Variants in LRRC39 observed in about 807,000 individuals in gnomAD.
The protein encoded by LRRC39 is leucine-rich repeat-containing protein 39.
A neutral mutation model predicts 39.7 loss-of-function variants in LRRC39; 35 were observed. The ratio of observed to expected loss-of-function variants is 0.88; its 90% CI spans 0.67 to 1.17. The LOEUF is 1.17. LRRC39 is among the 50% of genes most tolerant of loss of function. The pLI is 0.00. For synonymous variants in LRRC39, 113 were observed against 134.1 expected (o/e 0.84, Z 1.09); for missense variants, 357 against 385.8 (o/e 0.93, Z 0.62).
At chr1:100,179,518 A>AAAAAAAAAAAAAAAAAAAAC (rs1660160107), upstream of LRRC39, among the ~76,000 whole-genome samples, 1 of 149,276 alleles carries the variant, frequency 6.7e-6, no homozygotes. Flanking sequence ...AAAAAAAAAA[A>AAAAAAAAAAAAAAAAAAAAC]AAAAATTAAA....
At chr1:100,174,845 A>G (rs1318754490) in intron 1 of LRRC39, among the ~76,000 whole-genome samples, 1 of 152,218 alleles carries the variant, frequency 6.6e-6, no homozygotes. Context: ...GTTCCCACCA[A>G]ATCTCATGTT....
rs998653216 is a variant in LRRC39 at position 100,164,091 on chromosome 1, T to G, written c.114-3520A>C. On this transcript the variant is annotated intron_variant, in intron 3 of 9. Coordinates refer to ENST00000370137, the MANE Select transcript of LRRC39 (RefSeq NM_144620.4). ...CTGTCTCTAAAAAAACAAAATAAAA[T>G]TTGATTCTACAAATTTTATTGTAGA... 2.0e-5 allele frequency among the ~76,000 whole-genome samples: 3 copies of G among 151,986 alleles called. No individual in the cohort carries two copies. In the East Asian group the frequency reaches 5.8e-4, roughly 29 times the overall value.
At chr1:100,155,409 T>C (rs1026897855) in intron 7 of LRRC39, among the ~76,000 whole-genome samples, 1 of 152,194 alleles carries the variant, frequency 6.6e-6, no homozygotes, top group African/African-American at 2.4e-5. Flanking sequence ...TTGGTTCTTA[T>C]GTTAAAAATC....
chr1:100,171,967 A>T (rs1205920868), intron 2 of LRRC39, among the ~76,000 whole-genome samples: 1 of 152,214 alleles, frequency 6.6e-6, no homozygotes, highest in African/African-American at 2.4e-5. Context: ...TTTAGAAGAA[A>T]TGAGGCTAAA....
upstream of LRRC39, among the ~76,000 whole-genome samples, chr1:100,178,949 T>A (rs1046472447): frequency 6.6e-5 from 10 of 152,260 alleles, no homozygotes; most frequent in South Asian, 1.0e-3. Context: ...ATTTACGAGC[T>A]TAAATATGCC....
At chr1:100,174,351 G>A (rs1054723813) in intron 1 of LRRC39, among the ~76,000 whole-genome samples, 1 of 151,674 alleles carries the variant, frequency 6.6e-6, no homozygotes, top group African/African-American at 2.4e-5. Context: ...AGGCTGGAGA[G>A]CAGTGGCATG....
At position 100,160,527 on chromosome 1, in the gene LRRC39, C is replaced by T. The variant is rs755983229; in HGVS notation, c.158G>A (p.Arg53Lys). The part of the protein sequence containing the change: ...WEERVSLTKL[R>K]EKVTREDGRV... ...TCCATCTTCCCTGGTGACCTTTTCT[C>T]TTAGCTTGGTTAAGCTTACTCGTTC... Residue 53 changes from arginine (R) to lysine (K), a missense_variant, in exon 4 of 10, where the codon AGA becomes AAA. Coordinates refer to ENST00000370137, the MANE Select transcript of LRRC39 (RefSeq NM_144620.4). 6.2e-7 allele frequency: 1 copy of T among 1,613,924 alleles called. No individual in the cohort carries two copies. The highest frequency in any genetic ancestry group is 2.2e-5 in the East Asian group (1 of 44,872).
At chr1:100,154,959 T>TCAG (rs1156385813) in intron 8 of LRRC39, 92 bp downstream of exon 8, 1 of 1,215,734 alleles carries the variant, frequency 8.2e-7, no homozygotes, top group African/African-American at 1.6e-5. Flanking sequence ...AAATAACAAC[T>TCAG]GAAATTTATT....
intron 8 of LRRC39, among the ~76,000 whole-genome samples, chr1:100,154,264 T>G (rs554009495): frequency 6.6e-6 from 1 of 152,282 alleles, no homozygotes; most frequent in East Asian, 1.9e-4. Flanking sequence ...TGCAAAACAA[T>G]TGGCAATTTT....
chr1:100,173,562 A>G (rs1557930372), intron 1 of LRRC39, among the ~76,000 whole-genome samples, 192 bp from the exon 2 acceptor site: 3 of 152,230 alleles, frequency 2.0e-5, no homozygotes, highest in Admixed American at 1.3e-4. Context: ...ATTTAAAATT[A>G]GTAAAAGATG....
chr1:100,172,984 T>G (rs1309864974), intron 2 of LRRC39, among the ~76,000 whole-genome samples: 1 of 147,518 alleles, frequency 6.8e-6, no homozygotes. Context: ...ATTAGGAGGT[T>G]GCAGTGAGCC....
In LRRC39 at chr1:100,160,492, A is replaced by G. The variant is rs758837477; in HGVS notation, c.193T>C (p.Leu65=). 5.0e-6 allele frequency: 8 copies of G among 1,613,830 alleles called. No homozygotes were observed. Among genetic ancestry groups the G allele is most frequent in the Admixed American group, 3.3e-5 (2 of 59,960 alleles). Residue 65 remains leucine (L), a synonymous_variant, in exon 4 of 10, where the codon TTG becomes CTG. Coordinates refer to ENST00000370137, the MANE Select transcript of LRRC39 (RefSeq NM_144620.4). The part of the protein sequence containing the change: ...KVTREDGRVI[L]KIEKEEWKTL... ...TTCCATTCCTCTTTTTCTATCTTCA[A>G]AATGACTCTTCCATCTTCCCTGGTG... is the stretch of plus-strand genomic sequence containing the variant.
intron 3 of LRRC39, among the ~76,000 whole-genome samples, chr1:100,165,083 A>G (rs891821371): frequency 6.6e-6 from 1 of 152,212 alleles, no homozygotes. Flanking sequence ...AGTAGTTTAT[A>G]CTTAATTTTA....
chr1:100,172,410 G>GGC (rs1200737084), intron 2 of LRRC39, among the ~76,000 whole-genome samples: 2 of 152,210 alleles, frequency 1.3e-5, no homozygotes, highest in Non-Finnish European at 2.9e-5. Flanking sequence ...ATACTGGCCA[G>GGC]GCGCACTGGC....
At chr1:100,159,603 TTCC>T (rs373422623) in intron 4 of LRRC39, among the ~76,000 whole-genome samples, 188 bp from the exon 5 acceptor site, 2,288 of 22,548 alleles carry the variant, frequency 0.1, 148 homozygotes, top group African/African-American at 0.17. Flanking sequence ...TTTTTTTCTT[TTCC>T]TTTTTTTTTT....
chr1:100,170,035 T>C (rs1659489005), intron 2 of LRRC39, among the ~76,000 whole-genome samples: 1 of 152,064 alleles, frequency 6.6e-6, no homozygotes, highest in South Asian at 2.1e-4. Context: ...GTTGTCCAGT[T>C]AAAGAAAAGA....
intron 9 of LRRC39, chr1:100,149,616 T>A: frequency 4.1e-6 from 2 of 486,756 alleles, no homozygotes; most frequent in Non-Finnish European, 7.2e-6. Context: ...AAACAATAAG[T>A]ATGTTCTCTT....
intron 3 of LRRC39, among the ~76,000 whole-genome samples, chr1:100,162,543 G>A (rs1489212321): frequency 1.3e-5 from 2 of 151,908 alleles, no homozygotes; most frequent in African/African-American, 4.8e-5. Context: ...GAAGGATAAG[G>A]CAGGAGAATT....
At chr1:100,166,383 TC>T (rs1173330883) in intron 3 of LRRC39, among the ~76,000 whole-genome samples, 1 of 152,192 alleles carries the variant, frequency 6.6e-6, no homozygotes, top group Non-Finnish European at 1.5e-5. Flanking sequence ...GTTTGGAACT[TC>T]CTAGAGACTT....
Sources: allele counts gnomAD v4.1 joint callset (sites outside exome capture counted in the v4.1 genomes callset), GRCh38; gene constraint gnomAD v4.1.1; transcripts MANE v1.5; gene names NCBI Gene and HGNC (gene_info 2026-07-23, HGNC 2026-07-21).